The following DCAF17 variants were observed in gnomAD, a reference collection of about 807,000 sequenced individuals.
DCAF17 encodes the protein DDB1 and CUL4 associated factor 17.
DCAF17 carries 48 observed loss-of-function variants against 66.0 expected under a neutral mutation model. The ratio of observed to expected loss-of-function variants is 0.73; its 90% CI spans 0.58 to 0.92. The LOEUF (loss-of-function observed/expected upper bound fraction) is 0.92, where lower values mean the gene tolerates loss of function less well. Ranked by LOEUF, DCAF17 falls within the 40% of genes least tolerant of loss-of-function variation. The probability of loss-of-function intolerance (pLI) is 0.00; values close to 1 mark genes in which losing one functional copy is unlikely to be tolerated. For missense variants in DCAF17, 562 were observed against 622.8 expected (o/e 0.90, Z 1.04); for synonymous variants, 206 against 214.6 (o/e 0.96, Z 0.35).
chr2:171,459,614 A>G (rs1184964381), intron 8 of DCAF17, among the ~76,000 whole-genome samples: 1 of 152,220 alleles, frequency 6.6e-6, no homozygotes, highest in African/African-American at 2.4e-5. Context: ...GGATTTTCTA[A>G]TATATGCAGA....
At chr2:171,477,911 A>C in intron 11 of DCAF17, 76 bp from the exon 12 acceptor site, 1 of 1,303,494 alleles carries the variant, frequency 7.7e-7, no homozygotes, top group Non-Finnish European at 1.1e-6. Context: ...GTTTTACCAA[A>C]TTTGTTAATA....
intron 8 of DCAF17, among the ~76,000 whole-genome samples, chr2:171,461,373 G>A (rs181936672): frequency 6.6e-6 from 1 of 152,192 alleles, no homozygotes; most frequent in East Asian, 1.9e-4. Context: ...GTTGCAGTGA[G>A]CCGAGATCGT....
chr2:171,446,782 T>A (rs534185775), intron 3 of DCAF17, among the ~76,000 whole-genome samples: 17 of 152,282 alleles, frequency 1.1e-4, no homozygotes, highest in African/African-American at 3.6e-4. Flanking sequence ...ACATTTTTTA[T>A]CAATCCTTTA....
At position 171,462,486 on chromosome 2, in the gene DCAF17, C is replaced by G. The variant is rs144262489; in HGVS notation, c.838+4009C>G. ...GCAAAGCTCAATGTCACTGATAAGA[C>G]AAATGTAAATTAAAATTATTATAAG... On this transcript the variant is annotated intron_variant, in intron 8 of 13. Coordinates refer to ENST00000375255, the MANE Select transcript of DCAF17 (RefSeq NM_025000.4). Among the ~76,000 whole-genome samples, 24 of 152,168 alleles carry G rather than the reference C, an allele frequency of 1.6e-4. No individual in the cohort carries two copies. The East Asian group carries it at 4.6e-3, about 29-fold the overall frequency.
chr2:171,483,401 G>T lies in DCAF17; in HGVS notation c.*2287G>T. 2.2e-6 allele frequency: 1 copy of T among 454,076 alleles called. No individual in the cohort carries two copies. The highest frequency in any genetic ancestry group is 4.4e-6 in the Non-Finnish European group (1 of 226,790). The allele number at this position is 454,076 out of a possible 1,614,324, so 28.1% of individuals were successfully genotyped here. On this transcript the variant is annotated 3_prime_UTR_variant, in exon 14 of 14. Coordinates refer to ENST00000375255, the MANE Select transcript of DCAF17 (RefSeq NM_025000.4). ...GTAGCTTCCATCAGCAGGTACAGAC[G>T]TTACGCTGAAAAGAGGTGCATTCTG...
chr2:171,469,747 A>G (rs1430115113), intron 9 of DCAF17, among the ~76,000 whole-genome samples: 2 of 152,202 alleles, frequency 1.3e-5, no homozygotes, highest in Non-Finnish European at 2.9e-5. Context: ...TGATAAGTGC[A>G]AAAAGTGAGT....
At chr2:171,457,910 A>T (rs972061494) in intron 6 of DCAF17, 61 bp from the exon 7 acceptor site, 1 of 1,282,670 alleles carries the variant, frequency 7.8e-7, no homozygotes, top group Non-Finnish European at 1.1e-6. Context: ...ACCACTGTGA[A>T]CATTCAGAGG....
chr2:171,468,781 T>C (rs200234183), intron 8 of DCAF17, 107 bp from the exon 9 acceptor site: 4 of 1,411,088 alleles, frequency 2.8e-6, no homozygotes, highest in Non-Finnish European at 4.0e-6. Context: ...TTTTCATTAA[T>C]AGAAATTTAT....
At chr2:171,466,416 A>G (rs1422185781) in intron 8 of DCAF17, among the ~76,000 whole-genome samples, 2 of 152,106 alleles carry the variant, frequency 1.3e-5, no homozygotes, top group Non-Finnish European at 2.9e-5. Context: ...TTCACAATGT[A>G]GGAAGTGGAA....
chr2:171,454,696 A>G (rs1201460530), intron 6 of DCAF17, among the ~76,000 whole-genome samples: 1 of 152,098 alleles, frequency 6.6e-6, no homozygotes, highest in Non-Finnish European at 1.5e-5. Context: ...TAGGAGATCA[A>G]TACCAGCCTG....
chr2:171,468,528 A>G (rs1262690300), intron 8 of DCAF17, among the ~76,000 whole-genome samples: 2 of 152,200 alleles, frequency 1.3e-5, no homozygotes, highest in Non-Finnish European at 2.9e-5. Flanking sequence ...TCTAACCCAG[A>G]GTCTTTACAT....
rs148617910 is a variant in DCAF17 at position 171,469,380 on chromosome 2, G to C, written c.981+350G>C. ...GAAATTGCTGGTGGAATGTGTTGTT[G>C]GTTCTGCTTCTCCACGGCTTGTTGC... is the stretch of plus-strand genomic sequence containing the variant. On this transcript the variant is annotated intron_variant, in intron 9 of 13. Transcript: ENST00000375255. Among the ~76,000 whole-genome samples, 48 of 152,230 alleles carry C rather than the reference G, an allele frequency of 3.2e-4. 1 individual carries two copies. The East Asian group carries it at 8.5e-3, about 27-fold the overall frequency.
At chr2:171,478,530 C>A (rs1430947194) in intron 12 of DCAF17, among the ~76,000 whole-genome samples, 1 of 152,160 alleles carries the variant, frequency 6.6e-6, no homozygotes, top group Non-Finnish European at 1.5e-5. Context: ...CAGCTCTTAT[C>A]TTCAAGTTGG....
At chr2:171,450,832 A>G (rs763776425) in intron 5 of DCAF17, among the ~76,000 whole-genome samples, 48 of 152,138 alleles carry the variant, frequency 3.2e-4, no homozygotes, top group Non-Finnish European at 5.3e-4. Context: ...TCCTTTCAGT[A>G]GATACTTTTA....
At chr2:171,456,088 A>G (rs1455362603) in intron 6 of DCAF17, among the ~76,000 whole-genome samples, 2 of 152,172 alleles carry the variant, frequency 1.3e-5, no homozygotes, top group African/African-American at 4.8e-5. Flanking sequence ...ATCTTTGCCC[A>G]TGCCTATGTC....
chr2:171,465,265 G>A (rs1032668144), intron 8 of DCAF17, among the ~76,000 whole-genome samples: 3 of 151,888 alleles, frequency 2.0e-5, no homozygotes, highest in African/African-American at 4.8e-5. Context: ...TTTCTCCTTA[G>A]TGTACAGCCC....
intron 4 of DCAF17, among the ~76,000 whole-genome samples, chr2:171,449,602 T>C (rs1282041485): frequency 6.6e-6 from 1 of 152,196 alleles, no homozygotes; most frequent in Non-Finnish European, 1.5e-5. Context: ...GTAGAAATGA[T>C]TATTTTGTTT....
chr2:171,443,040 A>C (rs1042764823), intron 2 of DCAF17: 1 of 152,320 alleles, frequency 6.6e-6, no homozygotes, highest in African/African-American at 2.4e-5. Flanking sequence ...GAGTAAAAAA[A>C]AAAACCATAA....
At position 171,484,284 on chromosome 2, in the gene DCAF17, A is replaced by G. The variant is rs865846361; in HGVS notation, c.*3170A>G. 2 of 436,970 alleles carry G rather than the reference A, an allele frequency of 4.6e-6. No homozygotes were observed. The highest frequency in any genetic ancestry group is 7.4e-4 in the Middle Eastern group (1 of 1,346). 27.1% of individuals were successfully genotyped at this position (436,970 alleles called of 1,614,324 possible). A position where few individuals can be genotyped will look rare whatever the true frequency, so the allele number is the denominator to read the frequency against. On this transcript the variant is annotated 3_prime_UTR_variant, in exon 14 of 14. Transcript: ENST00000375255. ...GTCCCTGTGTTGCTATCAAATCTGT[A>G]TCTTGCAGAAAGAATAATTTATTTC...
Sources: gnomAD v4.1 joint callset for allele counts (sites outside exome capture counted in the v4.1 genomes callset) on GRCh38, gnomAD v4.1.1 for gene constraint, MANE v1.5 for transcripts, NCBI Gene and HGNC (gene_info 2026-07-23, HGNC 2026-07-21) for gene names.